The following PDZD2 variants were observed in gnomAD, a reference collection of about 807,000 sequenced individuals.
PDZD2 encodes PDZ domain-containing protein 2.
A neutral mutation model predicts 220.7 loss-of-function variants in PDZD2; 90 were observed. The ratio of observed to expected loss-of-function variants is 0.41; its 90% CI spans 0.34 to 0.49. The LOEUF is 0.49. PDZD2 is among the 20% of genes least tolerant of loss of function. The probability of loss-of-function intolerance (pLI) is 0.28; values close to 1 mark genes in which losing one functional copy is unlikely to be tolerated. For synonymous variants in PDZD2, 1,375 were observed against 1,450.5 expected (o/e 0.95, Z 1.18); for missense variants, 3,174 against 3,608.5 (o/e 0.88, Z 3.08).
At chr5:31,955,244 G>T (rs1157247165) in intron 2 of PDZD2, among the ~76,000 whole-genome samples, 7 of 151,778 alleles carry the variant, frequency 4.6e-5, no homozygotes, top group African/African-American at 1.7e-4. Flanking sequence ...AGATTAGAAG[G>T]TTGGCAAGAA....
intron 1 of PDZD2, among the ~76,000 whole-genome samples, chr5:31,727,766 G>T (rs1163821818): frequency 8.6e-5 from 13 of 151,758 alleles, no homozygotes; most frequent in African/African-American, 2.7e-4. Context: ...ACTTCCGGAG[G>T]CCGAGGCGGG....
intron 4 of PDZD2, among the ~76,000 whole-genome samples, chr5:31,998,516 T>C (rs746188508): frequency 5.3e-5 from 8 of 152,088 alleles, no homozygotes; most frequent in Non-Finnish European, 1.0e-4. Flanking sequence ...AGTTGATTCA[T>C]TGAAAGAAAG....
intron 6 of PDZD2, among the ~76,000 whole-genome samples, chr5:32,036,736 A>G (rs2112220647): frequency 6.6e-6 from 1 of 152,352 alleles, no homozygotes; most frequent in Non-Finnish European, 1.5e-5. Flanking sequence ...CTGCCATAAA[A>G]TCAAATTTTT....
chr5:31,912,075 C>G (rs1014983809), intron 2 of PDZD2, among the ~76,000 whole-genome samples: 1 of 152,080 alleles, frequency 6.6e-6, no homozygotes, highest in African/African-American at 2.4e-5. Flanking sequence ...CTTGGCTCTA[C>G]TACACAAAAG....
intron 1 of PDZD2, among the ~76,000 whole-genome samples, chr5:31,702,600 T>G (rs1273644483): frequency 6.6e-6 from 1 of 152,226 alleles, no homozygotes; most frequent in East Asian, 1.9e-4. Flanking sequence ...CTTCTCTCTT[T>G]TCTTTGCAAA....
At position 32,093,227 on chromosome 5, in the gene PDZD2, T is replaced by C. The variant is rs535399024; in HGVS notation, c.7845+203T>C. 4.6e-4 allele frequency among the ~76,000 whole-genome samples: 70 copies of C among 152,198 alleles called. 1 individual carries two copies. The highest frequency in any genetic ancestry group is 4.0e-3 in the Admixed American group (61 of 15,282). The stretch of plus-strand genomic sequence containing the variant: ...TTCAGAAGCTAGACCTTGTCTTGAA[T>C]GTTCAGGTGCCAGATGGGTGTCACT... On this transcript the variant is annotated intron_variant, in intron 21 of 24. Transcript: ENST00000438447.
In PDZD2 at chr5:31,698,462, G is replaced by A. The variant is rs558777616; in HGVS notation, c.-361+59025G>A. Among the ~76,000 whole-genome samples, 7 of 151,304 alleles carry A rather than the reference G, an allele frequency of 4.6e-5. No homozygotes were observed. The South Asian group carries it at 1.5e-3, about 32-fold the overall frequency. On this transcript the variant is annotated intron_variant, in intron 1 of 24. Transcript: ENST00000438447. ...ATACAAAAAAAAATTAGCCAGGCGTGGTAGCGGGCGCCTGTAGTCCCAGCT... is the reference window on the plus strand; with the variant it reads ...ATACAAAAAAAAATTAGCCAGGCGTAGTAGCGGGCGCCTGTAGTCCCAGCT...
intron 2 of PDZD2, among the ~76,000 whole-genome samples, chr5:31,846,600 A>G (rs898249684): frequency 3.9e-5 from 6 of 152,242 alleles, no homozygotes; most frequent in Non-Finnish European, 4.4e-5. Context: ...TGGAACACCA[A>G]TAAGTCACCA....
intron 18 of PDZD2, 107 bp from the exon 19 acceptor site, chr5:32,077,355 C>T: frequency 9.2e-7 from 1 of 1,082,438 alleles, no homozygotes; most frequent in Non-Finnish European, 1.4e-6. Context: ...AGTCCAGGGC[C>T]CCTTTGCCTT....
At chr5:31,750,242 C>T (rs900408906) in intron 1 of PDZD2, among the ~76,000 whole-genome samples, 1 of 152,188 alleles carries the variant, frequency 6.6e-6, no homozygotes, top group African/African-American at 2.4e-5. Context: ...TCTTGTCCGA[C>T]TTGATCTCCA....
chr5:31,710,908 A>C (rs1748067723), intron 1 of PDZD2, among the ~76,000 whole-genome samples: 1 of 152,188 alleles, frequency 6.6e-6, no homozygotes, highest in African/African-American at 2.4e-5. Flanking sequence ...CAAAGCACCT[A>C]GTACAGTGTC....
At chr5:31,790,691 ATTT>A (rs869296191) in intron 1 of PDZD2, among the ~76,000 whole-genome samples, 1 of 75,498 alleles carries the variant, frequency 1.3e-5, no homozygotes, top group Non-Finnish European at 2.6e-5. Context: ...TATCTCTCTA[ATTT>A]TTTTTTTTTT....
intron 1 of PDZD2, among the ~76,000 whole-genome samples, chr5:31,762,669 T>C (rs750063897): frequency 6.6e-6 from 1 of 152,180 alleles, no homozygotes; most frequent in Non-Finnish European, 1.5e-5. Flanking sequence ...TTCACAGCTG[T>C]GCATCAACTT....
At chr5:32,016,969 C>T (rs1312273212) in intron 6 of PDZD2, among the ~76,000 whole-genome samples, 2 of 152,196 alleles carry the variant, frequency 1.3e-5, no homozygotes, top group Non-Finnish European at 2.9e-5. Context: ...TGCTCACTTG[C>T]GTCTCCCAGG....
chr5:32,093,749 G>C (rs1039777475), intron 21 of PDZD2, among the ~76,000 whole-genome samples: 1 of 152,110 alleles, frequency 6.6e-6, no homozygotes, highest in Non-Finnish European at 1.5e-5. Context: ...AGGCCAAGGC[G>C]GGCAGATCAC....
intron 2 of PDZD2, among the ~76,000 whole-genome samples, chr5:31,879,484 A>T (rs1236177255): frequency 6.6e-6 from 1 of 151,810 alleles, no homozygotes; most frequent in Non-Finnish European, 1.5e-5. Flanking sequence ...AAAGGCTAAG[A>T]TTGAGAGTAA....
At chr5:31,981,014 G>A (rs1750251960) in intron 2 of PDZD2, among the ~76,000 whole-genome samples, 1 of 152,172 alleles carries the variant, frequency 6.6e-6, no homozygotes, top group African/African-American at 2.4e-5. Flanking sequence ...TGGAACTCCT[G>A]ACCTCAGGTT....
chr5:32,038,643 G>A (rs1336850725), intron 7 of PDZD2, among the ~76,000 whole-genome samples: 1 of 152,076 alleles, frequency 6.6e-6, no homozygotes, highest in African/African-American at 2.4e-5. Flanking sequence ...TATTTAAAAG[G>A]AAACACTTTT....
At chr5:31,897,673 G>T (rs1489875386) in intron 2 of PDZD2, among the ~76,000 whole-genome samples, 1 of 151,792 alleles carries the variant, frequency 6.6e-6, no homozygotes, top group Admixed American at 6.6e-5. Flanking sequence ...GTCTAGTTAA[G>T]TACAGAAGAG....
Sources: gnomAD v4.1 joint callset for allele counts (sites outside exome capture counted in the v4.1 genomes callset) on GRCh38, gnomAD v4.1.1 for gene constraint, MANE v1.5 for transcripts, NCBI Gene and HGNC (gene_info 2026-07-23, HGNC 2026-07-21) for gene names.